BAZ2B: variants seen among roughly 807,000 people sequenced by gnomAD.
BAZ2B encodes the protein bromodomain adjacent to zinc finger domain protein 2B.
In BAZ2B, 91 loss-of-function variants were observed where a neutral mutation model predicts 246.0. The observed-to-expected ratio is 0.37, with a 90% confidence interval of 0.31 to 0.44. The LOEUF is 0.44. BAZ2B is among the 20% of genes least tolerant of loss of function. BAZ2B has a pLI of 1.00. For missense variants in BAZ2B, 2,332 were observed against 2,533.7 expected (o/e 0.92, Z 1.71); for synonymous variants, 855 against 860.0 (o/e 0.99, Z 0.10).
intron 25 of BAZ2B, among the ~76,000 whole-genome samples, chr2:159,380,679 T>C (rs1264686389): frequency 6.6e-6 from 1 of 152,192 alleles, no homozygotes; most frequent in Non-Finnish European, 1.5e-5. Flanking sequence ...TACCTGCTTT[T>C]CTTCAGGGAA....
chr2:159,504,147 C>A (rs2082096690), intron 2 of BAZ2B, among the ~76,000 whole-genome samples: 1 of 151,016 alleles, frequency 6.6e-6, no homozygotes, highest in Non-Finnish European at 1.5e-5. Flanking sequence ...TGTAATACTT[C>A]TTTATTTTAT....
Position 159,337,783 on chromosome 2 carries a change from A to G in BAZ2B, c.5455-11T>C, listed in dbSNP as rs2065913131. ...TGGACACATCCAACCCTATATATCA[A>G]GAGAATAGTGTTATTATGGTTTCCT... On this transcript the variant is annotated splice_polypyrimidine_tract_variant and intron_variant, in intron 31 of 36. Transcript: ENST00000392783. 1 of 1,609,546 alleles carries G rather than the reference A, an allele frequency of 6.2e-7. No homozygotes were observed. Among genetic ancestry groups the G allele is most frequent in the Non-Finnish European group, 8.5e-7 (1 of 1,176,792 alleles).
At chr2:159,367,624 A>G (rs887638916) in intron 27 of BAZ2B, among the ~76,000 whole-genome samples, 12 of 152,130 alleles carry the variant, frequency 7.9e-5, no homozygotes, top group Non-Finnish European at 1.5e-4. Flanking sequence ...AGTGGCTCAC[A>G]CCTGTAATCC....
At chr2:159,346,999 A>G (rs1442170673) in intron 31 of BAZ2B, among the ~76,000 whole-genome samples, 1 of 152,166 alleles carries the variant, frequency 6.6e-6, no homozygotes, top group African/African-American at 2.4e-5. Flanking sequence ...ATATATTTGG[A>G]TATATCTATA....
At chr2:159,528,437 C>A (rs1373763695) in intron 2 of BAZ2B, among the ~76,000 whole-genome samples, 1 of 152,156 alleles carries the variant, frequency 6.6e-6, no homozygotes, top group Non-Finnish European at 1.5e-5. Context: ...AATCCCAGCA[C>A]TTTGGGAGGC....
At chr2:159,456,273 A>G (rs554728219) in intron 3 of BAZ2B, among the ~76,000 whole-genome samples, 1 of 152,166 alleles carries the variant, frequency 6.6e-6, no homozygotes, top group East Asian at 1.9e-4. Flanking sequence ...AATAATTGGT[A>G]GTAAGTAATA....
chr2:159,479,615 T>G (rs1320781249), intron 2 of BAZ2B, among the ~76,000 whole-genome samples: 8 of 152,198 alleles, frequency 5.3e-5, no homozygotes. Flanking sequence ...ATTTCTGTAT[T>G]GAATTCTACA....
At position 159,438,360 on chromosome 2, in the gene BAZ2B, C is replaced by T. The variant is rs1463328128; in HGVS notation, c.1236G>A (p.Gly412=). 2.5e-6 allele frequency: 4 copies of T among 1,613,916 alleles called. No individual in the cohort carries two copies. In the South Asian group the frequency reaches 4.4e-5, roughly 18 times the overall value. The change falls in exon 8 of 37, where the codon GGG becomes GGA. Residue 412 remains glycine, a synonymous_variant. Transcript: ENST00000392783. Reference sequence around the variant, plus strand: ...TAGATTCTTCAGAGGTATTTTTATTCCCTGCTTTAAGAACATCAGGAGAAG... The same window carrying T: ...TAGATTCTTCAGAGGTATTTTTATTTCCTGCTTTAAGAACATCAGGAGAAG... The part of the protein sequence containing the change: ...IVPSPDVLKA[G]NKNTSEESSL...
intron 14 of BAZ2B, among the ~76,000 whole-genome samples, chr2:159,411,176 T>A (rs1450466364): frequency 6.6e-6 from 1 of 152,122 alleles, no homozygotes; most frequent in Non-Finnish European, 1.5e-5. Flanking sequence ...AGTGTGCCAC[T>A]ACACCTGGCT....
At chr2:159,569,749 C>T (rs992889250) in intron 1 of BAZ2B, among the ~76,000 whole-genome samples, 1 of 151,948 alleles carries the variant, frequency 6.6e-6, no homozygotes, top group Non-Finnish European at 1.5e-5. Flanking sequence ...TGCTTGAGCC[C>T]AGGAGTTTGA....
chr2:159,407,334 T>G (rs1432153937), intron 14 of BAZ2B, among the ~76,000 whole-genome samples: 1 of 151,860 alleles, frequency 6.6e-6, no homozygotes, highest in Non-Finnish European at 1.5e-5. Context: ...TAGCCAGGCG[T>G]GGTGGTGGGC....
chr2:159,414,550 C>T (rs1024119853), intron 13 of BAZ2B, among the ~76,000 whole-genome samples: 8 of 152,064 alleles, frequency 5.3e-5, no homozygotes, highest in Non-Finnish European at 8.8e-5. Flanking sequence ...GGCGCGGTGG[C>T]CCACGCCTGT....
At chr2:159,343,475 C>G (rs7581550) in intron 31 of BAZ2B, among the ~76,000 whole-genome samples, 1 of 151,952 alleles carries the variant, frequency 6.6e-6, no homozygotes, top group Non-Finnish European at 1.5e-5. Context: ...TCAAAATGGG[C>G]TAAAATATTT....
the BAZ2B span, among the ~76,000 whole-genome samples, chr2:159,692,808 A>G: frequency 6.6e-6 from 1 of 152,252 alleles, no homozygotes; most frequent in African/African-American, 2.4e-5. Context: ...TTTATTTTAG[A>G]GACAGAGTTT....
At chr2:159,482,911 T>C (rs2079398776) in intron 2 of BAZ2B, among the ~76,000 whole-genome samples, 1 of 152,160 alleles carries the variant, frequency 6.6e-6, no homozygotes, top group Non-Finnish European at 1.5e-5. Flanking sequence ...GAACCATCTA[T>C]TCCTAGATTT....
At chr2:159,453,831 G>T (rs758628009) in intron 3 of BAZ2B, 30 bp from the exon 4 acceptor site, 11 of 1,523,602 alleles carry the variant, frequency 7.2e-6, no homozygotes, top group South Asian at 2.7e-5. Context: ...ACTTAAAGTT[G>T]TACTATAAAA....
At chr2:159,709,054 C>G in the BAZ2B span, among the ~76,000 whole-genome samples, 1 of 151,736 alleles carries the variant, frequency 6.6e-6, no homozygotes, top group Non-Finnish European at 1.5e-5. Context: ...GAAAGGAATC[C>G]CTTACATCAA....
chr2:159,496,109 C>G (rs1488487727), intron 2 of BAZ2B, among the ~76,000 whole-genome samples: 3 of 149,290 alleles, frequency 2.0e-5, no homozygotes, highest in Non-Finnish European at 4.5e-5. Flanking sequence ...AGCACGGTGG[C>G]TCACGCCTGT....
intron 3 of BAZ2B, among the ~76,000 whole-genome samples, chr2:159,476,687 CTATG>C (rs1157116043): frequency 6.6e-6 from 1 of 152,094 alleles, no homozygotes; most frequent in East Asian, 1.9e-4. Context: ...TTTAGGAATA[CTATG>C]TATGTTAAAG....
Sources: allele counts gnomAD v4.1 joint callset (sites outside exome capture counted in the v4.1 genomes callset), GRCh38; gene constraint gnomAD v4.1.1; transcripts MANE v1.5; gene names NCBI Gene and HGNC (gene_info 2026-07-23, HGNC 2026-07-21).